The following PPM1F variants were observed in gnomAD, a reference collection of about 807,000 sequenced individuals.
PPM1F encodes the protein protein phosphatase 1F.
Under a neutral mutation model 35.5 loss-of-function variants are expected in PPM1F, and 17 were observed. The observed-to-expected ratio is 0.48, with a 90% CI of 0.33 to 0.72. PPM1F has a LOEUF of 0.72. Among genes scored for constraint, PPM1F ranks in the 30% least tolerant of loss-of-function variants. PPM1F has a pLI of 0.02. For missense variants in PPM1F, 521 were observed against 613.0 expected, an observed-to-expected ratio of 0.85 and a Z score of 1.59; for synonymous variants, 241 against 255.5, an observed-to-expected ratio of 0.94 and a Z score of 0.54.
chr22:21,945,624 C>T, intron 2 of PPM1F: 1 of 544,574 alleles, frequency 1.8e-6, no homozygotes, highest in East Asian at 3.3e-5. Context: ...GGACTCTGGC[C>T]TCCAGCCCTG....
At chr22:21,923,494 G>C in intron 7 of PPM1F, 23 bp from the exon 8 acceptor site, 11 of 1,575,772 alleles carry the variant, frequency 7.0e-6, no homozygotes, top group Non-Finnish European at 9.5e-6. Context: ...AGAAGAGCCC[G>C]GGTCAGAGGA....
chr22:21,938,030 CAG>C, intron 3 of PPM1F: 1 of 1,159,736 alleles, frequency 8.6e-7, no homozygotes, highest in Non-Finnish European at 1.1e-6. Context: ...ACTTCCGTGA[CAG>C]GGAGAGCATG....
chr22:21,952,204 C>G (rs1242657849), intron 1 of PPM1F: 1 of 152,292 alleles, frequency 6.6e-6, no homozygotes, highest in Non-Finnish European at 1.5e-5. Context: ...GCAATGTGCC[C>G]GGCCTCCGCG....
In PPM1F at chr22:21,939,575, T is replaced by C. The variant is rs145320786; in HGVS notation, c.312A>G (p.Glu104=). The C allele has an allele frequency of 1.1e-4, 178 of 1,573,860 alleles. No homozygotes were observed. Among genetic ancestry groups the C allele is most frequent in the Admixed American group, 1.9e-4 (10 of 53,516 alleles). Residue 104 remains glutamate (E), a synonymous_variant, in exon 3 of 8, where the codon GAA becomes GAG. Coordinates refer to ENST00000263212, the MANE Select transcript of PPM1F (RefSeq NM_014634.4). The surrounding 1 kb of genome is among the most constrained non-coding windows in gnomAD (Gnocchi z 5.1). ...CCTCCTCGTCATCGTCCTCCTCCTC[T>C]TCTTCTTCCTCCCTGGGCAACTTCC... The part of the protein sequence containing the change: ...EFRKLPREEE[E]EEEDDDEEEK...
At chr22:21,938,251 C>A (rs763444634) in intron 3 of PPM1F, 123 of 1,299,224 alleles carry the variant, frequency 9.5e-5, no homozygotes, top group Non-Finnish European at 1.2e-4. Context: ...ACCCATCAGG[C>A]GGGGAGGGCC....
chr22:21,930,593 AGTG>A (rs1234729386), intron 6 of PPM1F, among the ~76,000 whole-genome samples: 1 of 152,174 alleles, frequency 6.6e-6, no homozygotes, highest in African/African-American at 2.4e-5. Flanking sequence ...ACGTGGGAAA[AGTG>A]GGGTTTGAGG....
intron 3 of PPM1F, chr22:21,938,162 G>A (rs911095275): frequency 4.6e-6 from 6 of 1,303,108 alleles, no homozygotes; most frequent in African/African-American, 3.0e-5. Context: ...AGCCCCGAGC[G>A]TAGGACTGGG....
At position 21,934,050 on chromosome 22, in the gene PPM1F, A is replaced by G. The variant is rs1413911365; in HGVS notation, c.532T>C (p.Ser178Pro). 1 of 1,564,586 alleles carries G rather than the reference A, an allele frequency of 6.4e-7. No individual in the cohort carries two copies. The highest frequency in any genetic ancestry group is 8.7e-7 in the Non-Finnish European group (1 of 1,153,794). Residue 178 changes from serine to proline, a missense_variant, in exon 4 of 8, where the codon TCC becomes CCC. By Grantham distance (74) the Ser-to-Pro change is moderately conservative. Coordinates refer to ENST00000263212, the MANE Select transcript of PPM1F (RefSeq NM_014634.4). ...KMEDRHVSLP[S>P]FNQLFGLSDP... ...GACAAGCCGAAGAGCTGGTTGAAGG[A>G]AGGGAGGGACACGTGCCGGTCCTCC...
At chr22:21,930,377 C>T (rs1035979688) in intron 6 of PPM1F, among the ~76,000 whole-genome samples, 16 of 152,250 alleles carry the variant, frequency 1.1e-4, no homozygotes, top group African/African-American at 7.2e-5. Flanking sequence ...GTACACTTGA[C>T]TCTGAGCAAT....
intron 2 of PPM1F, chr22:21,945,074 G>A (rs1453309716): frequency 6.6e-6 from 1 of 152,318 alleles, no homozygotes; most frequent in Non-Finnish European, 1.5e-5. Context: ...TCGGAAACAG[G>A]ACGTACTGCT....
intron 4 of PPM1F, 48 bp downstream of exon 4, chr22:21,933,976 G>T: frequency 6.7e-7 from 1 of 1,493,792 alleles, no homozygotes; most frequent in Non-Finnish European, 9.0e-7. Flanking sequence ...CCCCACCCTC[G>T]CCCCGGTCCT....
At chr22:21,932,967 T>A (rs536531189) in intron 5 of PPM1F, among the ~76,000 whole-genome samples, 1 of 152,286 alleles carries the variant, frequency 6.6e-6, no homozygotes, top group African/African-American at 2.4e-5. Flanking sequence ...CTCTCTTCTC[T>A]CTGCGCCCCG....
At chr22:21,951,940 T>C (rs2070843632) in intron 1 of PPM1F, 1 of 152,240 alleles carries the variant, frequency 6.6e-6, no homozygotes, top group Non-Finnish European at 1.5e-5. Flanking sequence ...AGACTGGAGA[T>C]GGCCTCAGAG....
intron 1 of PPM1F, chr22:21,949,989 C>CTA (rs1214728354): frequency 1.3e-5 from 2 of 152,248 alleles, no homozygotes; most frequent in Non-Finnish European, 2.9e-5. Flanking sequence ...TTTTAGCCTC[C>CTA]CAACAACCTC....
chr22:21,930,965 C>T (rs1237354682), intron 6 of PPM1F, among the ~76,000 whole-genome samples, 183 bp downstream of exon 6: 1 of 152,226 alleles, frequency 6.6e-6, no homozygotes, highest in African/African-American at 2.4e-5. Context: ...CTGTGACCCA[C>T]AGAGCTCTCA....
intron 6 of PPM1F, among the ~76,000 whole-genome samples, chr22:21,927,316 C>T (rs1041271115): frequency 6.6e-6 from 1 of 152,214 alleles, no homozygotes; most frequent in Non-Finnish European, 1.5e-5. Context: ...CACACACACG[C>T]GTGAAGGCGC....
intron 3 of PPM1F, chr22:21,934,544 A>G: frequency 3.1e-6 from 1 of 320,432 alleles, no homozygotes. Context: ...TTGCCCATTA[A>G]TTAGAAATAC....
At chr22:21,923,621 C>T in intron 7 of PPM1F, 150 bp from the exon 8 acceptor site, 1 of 746,222 alleles carries the variant, frequency 1.3e-6, no homozygotes, top group Non-Finnish European at 2.0e-6. Context: ...ATGCAAACTG[C>T]CCAGTACTTC....
intron 6 of PPM1F, chr22:21,925,975 G>A (rs773166094): frequency 9.3e-6 from 3 of 321,220 alleles, no homozygotes; most frequent in Non-Finnish European, 1.7e-5. Context: ...TTGCGAGCCC[G>A]ACACAGACAG....
Sources: allele counts gnomAD v4.1 joint callset (sites outside exome capture counted in the v4.1 genomes callset), GRCh38; gene constraint gnomAD v4.1.1; non-coding constraint Gnocchi (gnomAD v3.1); transcripts MANE v1.5; gene names NCBI Gene and HGNC (gene_info 2026-07-23, HGNC 2026-07-21).